The following PSMD1 variants were observed in gnomAD, a reference collection of about 807,000 sequenced individuals.
PSMD1 encodes the protein 26S proteasome non-ATPase regulatory subunit 1.
PSMD1 carries 18 observed loss-of-function variants against 119.0 expected under a neutral mutation model. The ratio of observed to expected loss-of-function variants is 0.15; its 90% confidence interval spans 0.10 to 0.22. PSMD1 has a LOEUF of 0.22. Among genes scored for constraint, PSMD1 ranks in the 10% least tolerant of loss-of-function variants. The probability of loss-of-function intolerance (pLI) is 1.00; values close to 1 mark genes in which losing one functional copy is unlikely to be tolerated. For missense variants in PSMD1, 702 were observed against 1,158.5 expected, an observed-to-expected ratio of 0.61 and a Z score of 5.72; for synonymous variants, 374 against 396.6, an observed-to-expected ratio of 0.94 and a Z score of 0.68.
intron 17 of PSMD1, among the ~76,000 whole-genome samples, chr2:231,139,639 T>C: frequency 6.6e-6 from 1 of 151,888 alleles, no homozygotes; most frequent in Non-Finnish European, 1.5e-5. Flanking sequence ...CAGGTTATTT[T>C]ATATGATTAT....
intron 16 of PSMD1, among the ~76,000 whole-genome samples, chr2:231,135,723 C>T (rs1695951252): frequency 1.3e-5 from 2 of 152,118 alleles, no homozygotes; most frequent in Admixed American, 1.3e-4. Context: ...AAAACTAGAA[C>T]TAGGACCTAG....
intron 16 of PSMD1, among the ~76,000 whole-genome samples, chr2:231,136,566 A>C (rs932020104): frequency 6.6e-6 from 1 of 152,194 alleles, no homozygotes; most frequent in Non-Finnish European, 1.5e-5. Context: ...CTAAATCATC[A>C]TTCCATTTAT....
At chr2:231,075,895 G>A (rs181575263) in intron 8 of PSMD1, among the ~76,000 whole-genome samples, 11 of 152,158 alleles carry the variant, frequency 7.2e-5, no homozygotes, top group Admixed American at 2.6e-4. Flanking sequence ...CATGCCCAGC[G>A]AGTGTGCTTT....
chr2:231,141,564 A>G (rs1696115833), intron 17 of PSMD1, among the ~76,000 whole-genome samples: 1 of 151,134 alleles, frequency 6.6e-6, no homozygotes, highest in African/African-American at 2.4e-5. Flanking sequence ...CTGCAAACGC[A>G]TACCACCATG....
At chr2:231,128,327 T>TAGAA (rs1695773482) in intron 16 of PSMD1, among the ~76,000 whole-genome samples, 1 of 152,244 alleles carries the variant, frequency 6.6e-6, no homozygotes, top group Admixed American at 6.5e-5. Flanking sequence ...ACAGATAAGG[T>TAGAA]AGAACTAAGA....
intron 16 of PSMD1, among the ~76,000 whole-genome samples, chr2:231,134,428 C>T (rs1043683177): frequency 6.6e-6 from 1 of 152,118 alleles, no homozygotes; most frequent in Non-Finnish European, 1.5e-5. Context: ...CCAGTTTTTC[C>T]AAATGTTTGT....
Position 231,062,289 on chromosome 2 carries a change from C to A in PSMD1, c.102C>A (p.Phe34Leu). Residue 34 changes from phenylalanine (F) to leucine (L), a missense_variant, in exon 3 of 25, where the codon TTC becomes TTA. This residue lies in a region of PSMD1 where 60 missense variants were observed against 118.2 expected (regional missense o/e 0.51). Coordinates refer to ENST00000308696, the MANE Select transcript of PSMD1 (RefSeq NM_002807.4). ...LHKLNAVVND[F>L]WAEISESVDK... ...AATTGAATGCAGTTGTTAATGACTTCTGGGCAGAAATTTCCGAGTCCGTAG... is the reference window on the plus strand; with the variant it reads ...AATTGAATGCAGTTGTTAATGACTTATGGGCAGAAATTTCCGAGTCCGTAG... 1 of 1,613,196 alleles carries A rather than the reference C, an allele frequency of 6.2e-7. No individual in the cohort carries two copies. The highest frequency in any genetic ancestry group is 8.5e-7 in the Non-Finnish European group (1 of 1,179,358).
At chr2:231,111,358 T>C (rs945157465) in intron 16 of PSMD1, among the ~76,000 whole-genome samples, 2 of 152,224 alleles carry the variant, frequency 1.3e-5, no homozygotes, top group African/African-American at 4.8e-5. Flanking sequence ...ATCTCAGTTT[T>C]CACATTCTAT....
rs183757690 is a variant in PSMD1, at chr2:231,100,215, A to T, written c.1883+13034A>T. ...AAAAGGAATACCACTCAAATATAAA[A>T]TTTTTTTTTAATTCTCAGCAAGGCA... On this transcript the variant is annotated intron_variant, in intron 16 of 24. Coordinates refer to ENST00000308696, the MANE Select transcript of PSMD1 (RefSeq NM_002807.4). Among the ~76,000 whole-genome samples, 227 of 152,002 alleles carry T rather than the reference A, an allele frequency of 1.5e-3. 1 individual carries two copies. Among genetic ancestry groups the T allele is most frequent in the African/African-American group, 4.1e-3 (172 of 41,448 alleles).
rs569267004 is a variant in PSMD1, at chr2:231,112,933, G to A, written c.1883+25752G>A. ...TAATCCCAGCACTTTGGGAGGCTGG[G>A]GCAGGGGGATCGCCAGAGCTCAAGA... On this transcript the variant is annotated intron_variant, in intron 16 of 24. Transcript: ENST00000308696. 5.9e-5 allele frequency among the ~76,000 whole-genome samples: 9 copies of A among 152,270 alleles called. No homozygotes were observed. In the South Asian group the frequency reaches 6.2e-4, roughly 11 times the overall value.
intron 18 of PSMD1, among the ~76,000 whole-genome samples, chr2:231,147,755 C>A (rs1286619255): frequency 1.3e-5 from 2 of 152,166 alleles, no homozygotes; most frequent in Non-Finnish European, 2.9e-5. Context: ...TAATCCTGCT[C>A]ATATAATGGG....
intron 19 of PSMD1, among the ~76,000 whole-genome samples, chr2:231,159,751 G>A (rs2125265467): frequency 6.6e-6 from 1 of 152,308 alleles, no homozygotes; most frequent in South Asian, 2.1e-4. Context: ...GTCTAGGGCA[G>A]CAGTCCACAA....
chr2:231,077,498 C>G (rs967763693), intron 9 of PSMD1, among the ~76,000 whole-genome samples: 20 of 152,010 alleles, frequency 1.3e-4, no homozygotes, highest in Non-Finnish European at 1.3e-4. Flanking sequence ...TCAGCCTGCT[C>G]CAAACTCTGT....
intron 16 of PSMD1, among the ~76,000 whole-genome samples, chr2:231,091,674 G>A (rs1207072011): frequency 6.6e-6 from 1 of 152,172 alleles, no homozygotes; most frequent in Non-Finnish European, 1.5e-5. Flanking sequence ...CTATCCAGGA[G>A]AGATGTTATC....
rs1373325396 is a variant in PSMD1 at position 231,066,963 on chromosome 2, G to A, written c.362G>A (p.Gly121Glu). 6.2e-7 allele frequency: 1 copy of A among 1,612,666 alleles called. No homozygotes were observed. Among genetic ancestry groups the A allele is most frequent in the Non-Finnish European group, 8.5e-7 (1 of 1,179,526 alleles). ...QCVENADLPE[G>E]EKKPIDQRLE... Reference sequence around the variant, plus strand: ...GTGGAAAATGCAGATTTGCCTGAAGGAGAAAAAAAACCAATTGACCAGAGA... The same window carrying A: ...GTGGAAAATGCAGATTTGCCTGAAGAAGAAAAAAAACCAATTGACCAGAGA... Residue 121 changes from glycine to glutamate, a missense_variant, in exon 5 of 25, where the codon GGA becomes GAA. This residue lies in a region of PSMD1 where 50 missense variants were observed against 41.8 expected (regional missense o/e 1.20). Coordinates refer to ENST00000308696, the MANE Select transcript of PSMD1 (RefSeq NM_002807.4).
chr2:231,063,722 T>G (rs968166464), intron 4 of PSMD1, among the ~76,000 whole-genome samples: 1 of 152,264 alleles, frequency 6.6e-6, no homozygotes, highest in South Asian at 2.1e-4. Context: ...TGGGAAGAAC[T>G]GATGGCTTAA....
rs746463529 is a variant in PSMD1 at position 231,062,304 on chromosome 2, C to T, written c.117C>T (p.Ser39=). Reference sequence around the variant, plus strand: ...TTAATGACTTCTGGGCAGAAATTTCCGAGTCCGTAGACAAAATGTAAGAAA... The same window carrying T: ...TTAATGACTTCTGGGCAGAAATTTCTGAGTCCGTAGACAAAATGTAAGAAA... The part of the protein sequence containing the change: ...AVVNDFWAEI[S]ESVDKIEVLY... Residue 39 remains serine, a synonymous_variant, in exon 3 of 25, where the codon TCC becomes TCT. Transcript: ENST00000308696. 36 of 1,610,542 alleles carry T rather than the reference C, an allele frequency of 2.2e-5. No homozygotes were observed. In the East Asian group the frequency reaches 4.5e-4, roughly 20 times the overall value.
intron 16 of PSMD1, among the ~76,000 whole-genome samples, chr2:231,122,754 T>TATC (rs1319949420): frequency 1.3e-5 from 2 of 152,108 alleles, no homozygotes; most frequent in Non-Finnish European, 2.9e-5. Flanking sequence ...CTTACCAACT[T>TATC]AGAGGCCTAT....
chr2:231,160,333 C>G lies in PSMD1; in HGVS notation c.2219-1007C>G, dbSNP rs1292062002. On this transcript the variant is annotated intron_variant, in intron 19 of 24. Coordinates refer to ENST00000308696, the MANE Select transcript of PSMD1 (RefSeq NM_002807.4). Reference sequence around the variant, plus strand: ...AGGGCTAGTTAATGTCAGAGCTCCTCCCACCAATTTAAGTGGCTTAATAAT... The same window carrying G: ...AGGGCTAGTTAATGTCAGAGCTCCTGCCACCAATTTAAGTGGCTTAATAAT... Among the ~76,000 whole-genome samples the G allele has an allele frequency of 2.0e-5, 3 of 152,164 alleles. No homozygotes were observed. In the East Asian group the frequency reaches 5.8e-4, roughly 29 times the overall value.
Sources: allele counts gnomAD v4.1 joint callset (sites outside exome capture counted in the v4.1 genomes callset), GRCh38; gene constraint gnomAD v4.1.1; regional missense constraint gnomAD v4.1.1; transcripts MANE v1.5; gene names NCBI Gene and HGNC (gene_info 2026-07-23, HGNC 2026-07-21).